The following ROBO2 variants were observed in gnomAD, a reference collection of about 807,000 sequenced individuals.
The protein encoded by ROBO2 is roundabout homolog 2.
ROBO2 carries 53 observed loss-of-function variants against 160.8 expected under a neutral mutation model. That is an observed-to-expected ratio of 0.33 (90% CI 0.26 to 0.41). ROBO2 has a LOEUF of 0.41. ROBO2 is among the 10% of genes least tolerant of loss of function. The pLI, the probability that ROBO2 is intolerant of heterozygous loss-of-function variation, is 1.00. For missense variants in ROBO2, 1,577 were observed against 1,722.4 expected, an observed-to-expected ratio of 0.92 and a Z score of 1.49; for synonymous variants, 664 against 611.7, an observed-to-expected ratio of 1.09 and a Z score of -1.26.
chr3:77,462,202 T>A (rs969882696), intron 2 of ROBO2, among the ~76,000 whole-genome samples: 11 of 152,216 alleles, frequency 7.2e-5, no homozygotes, highest in Non-Finnish European at 1.3e-4. Context: ...ACTTGCTCCT[T>A]CCTTTAGAAC....
chr3:77,553,515 T>C lies in ROBO2; in HGVS notation c.1231+2526T>C, dbSNP rs892342263. On this transcript the variant is annotated intron_variant, in intron 8 of 25. Transcript: ENST00000461745. ...GAGGAAGGCATGTCAAAAACTGAGA[T>C]AGGCCAAAAGCTGGGCCTCTTGTTC... Among the ~76,000 whole-genome samples the C allele has an allele frequency of 3.5e-4, 53 of 151,952 alleles. 2 individuals carry two copies. The highest frequency in any genetic ancestry group is 3.0e-3 in the Admixed American group (46 of 15,206).
intron 2 of ROBO2, among the ~76,000 whole-genome samples, chr3:76,647,068 C>CCCTATGA (rs762072152): frequency 6.6e-6 from 1 of 152,070 alleles, no homozygotes; most frequent in Non-Finnish European, 1.5e-5. Flanking sequence ...AAGGGGAGGG[C>CCCTATGA]CCTATGACGC....
At chr3:76,727,502 A>G (rs2107795680) in intron 2 of ROBO2, among the ~76,000 whole-genome samples, 1 of 152,274 alleles carries the variant, frequency 6.6e-6, no homozygotes, top group African/African-American at 2.4e-5. Context: ...TTAGACTCTA[A>G]TGTACTGAGA....
chr3:77,467,609 A>ATCTG (rs1407698816), intron 2 of ROBO2, among the ~76,000 whole-genome samples: 1 of 150,412 alleles, frequency 6.6e-6, no homozygotes, highest in Non-Finnish European at 1.5e-5. Context: ...CTATCTATCT[A>ATCTG]TCTATCTATC....
At chr3:77,381,291 G>A (rs544776915) in intron 2 of ROBO2, among the ~76,000 whole-genome samples, 12 of 152,218 alleles carry the variant, frequency 7.9e-5, no homozygotes, top group Admixed American at 2.6e-4. Flanking sequence ...CCCCAGCCTG[G>A]GTGACAGAGG....
At chr3:77,134,300 G>A (rs1019471960) in intron 2 of ROBO2, among the ~76,000 whole-genome samples, 12 of 152,088 alleles carry the variant, frequency 7.9e-5, no homozygotes, top group Non-Finnish European at 4.4e-5. Flanking sequence ...TTTAAAAACC[G>A]AAAGAATTAA....
At chr3:75,914,621 T>A (rs1946732144) in intron 1 of ROBO2, among the ~76,000 whole-genome samples, 1 of 152,164 alleles carries the variant, frequency 6.6e-6, no homozygotes, top group Non-Finnish European at 1.5e-5. Context: ...GAAAAGTAAT[T>A]TTTGAAAAGG....
exon 12 of ROBO2, chr3:77,564,997 A>AAGACCACCC: frequency 6.2e-7 from 1 of 1,613,652 alleles, no homozygotes; most frequent in Non-Finnish European, 8.5e-7. Context: ...AAACCATGTA[A>AAGACCACCC]AGACCACCCT....
chr3:76,937,637 G>A (rs2077797239), intron 2 of ROBO2, among the ~76,000 whole-genome samples: 1 of 152,082 alleles, frequency 6.6e-6, no homozygotes, highest in Admixed American at 6.5e-5. Flanking sequence ...TTGGGTCAGT[G>A]CAAAAATAAT....
At chr3:76,552,546 C>G (rs1289829445) in intron 2 of ROBO2, among the ~76,000 whole-genome samples, 4 of 152,134 alleles carry the variant, frequency 2.6e-5, no homozygotes, top group Admixed American at 2.6e-4. Context: ...TAATCCACAA[C>G]TAATTATTAA....
chr3:76,697,132 G>C, intron 2 of ROBO2, among the ~76,000 whole-genome samples: 1 of 152,166 alleles, frequency 6.6e-6, no homozygotes, highest in Middle Eastern at 3.2e-3. Context: ...GGTATTGATA[G>C]CATTGTCATA....
intron 22 of ROBO2, among the ~76,000 whole-genome samples, chr3:77,618,735 G>GAAGAGTATTACTTA (rs2094835922): frequency 6.6e-6 from 1 of 152,100 alleles, no homozygotes; most frequent in African/African-American, 2.4e-5. Context: ...ATACCAAAAG[G>GAAGAGTATTACTTA]AAGAGTATTA....
At chr3:76,819,302 G>A (rs1432957543) in intron 2 of ROBO2, among the ~76,000 whole-genome samples, 2 of 152,062 alleles carry the variant, frequency 1.3e-5, no homozygotes, top group East Asian at 3.9e-4. Flanking sequence ...GAGGAGTGGA[G>A]GTTAGGTTAA....
rs909425399 is a variant in ROBO2 at position 76,387,784 on chromosome 3, T to G, written c.109+450182T>G. Among the ~76,000 whole-genome samples the G allele has an allele frequency of 1.3e-4, 20 of 152,180 alleles. 1 individual carries two copies. Among genetic ancestry groups the G allele is most frequent in the Admixed American group, 1.3e-3 (20 of 15,266 alleles). On this transcript the variant is annotated intron_variant, in intron 2 of 26. Coordinates refer to the ROBO2 transcript ENST00000487694. ...TCTGTGCTGTGGATGAGCAAAGGTT[T>G]TGGAGATGACAAATGAACATCATGT...
At chr3:76,798,259 G>GAAAGAAAGAAA (rs2063889320) in intron 2 of ROBO2, among the ~76,000 whole-genome samples, 1 of 94,198 alleles carries the variant, frequency 1.1e-5, no homozygotes, top group Non-Finnish European at 2.1e-5. Context: ...AAAGAAAGAA[G>GAAAGAAAGAAA]GAAAGAAAGA....
At chr3:76,104,131 A>C (rs1159331048) in intron 2 of ROBO2, among the ~76,000 whole-genome samples, 1 of 152,216 alleles carries the variant, frequency 6.6e-6, no homozygotes, top group East Asian at 1.9e-4. Flanking sequence ...CCTAGAAAAC[A>C]AATCTGGAGA....
At chr3:76,495,574 G>T in intron 2 of ROBO2, among the ~76,000 whole-genome samples, 1 of 147,958 alleles carries the variant, frequency 6.8e-6, no homozygotes. Flanking sequence ...GATCATTTAG[G>T]CTATAGACCA....
chr3:76,901,957 C>T (rs1218666816), intron 2 of ROBO2, among the ~76,000 whole-genome samples: 1 of 151,802 alleles, frequency 6.6e-6, no homozygotes, highest in Admixed American at 6.6e-5. Context: ...AATATATGTC[C>T]TTCCATATTT....
intron 2 of ROBO2, among the ~76,000 whole-genome samples, chr3:76,767,349 G>T (rs1338692960): frequency 3.3e-5 from 5 of 151,584 alleles, no homozygotes; most frequent in African/African-American, 1.2e-4. Context: ...GATCAGAGGG[G>T]TTAGCCTGCC....
Sources: allele counts gnomAD v4.1 joint callset (sites outside exome capture counted in the v4.1 genomes callset), GRCh38; gene constraint gnomAD v4.1.1; transcripts MANE v1.5; gene names NCBI Gene and HGNC (gene_info 2026-07-23, HGNC 2026-07-21).